Variants in FBXO4 observed in about 807,000 individuals in gnomAD.
FBXO4 encodes F-box protein 4, also known as F-box only protein 4.
FBXO4 carries 36 observed loss-of-function variants against 43.7 expected under a neutral mutation model. The observed-to-expected ratio is 0.82, with a 90% confidence interval of 0.63 to 1.09. The LOEUF is 1.09. Among genes scored for constraint, FBXO4 ranks in the 50% least tolerant of loss-of-function variants. The pLI is 0.00. For missense variants in FBXO4, 435 were observed against 474.1 expected (o/e 0.92, Z 0.77); for synonymous variants, 180 against 165.6 (o/e 1.09, Z -0.67).
intron 3 of FBXO4, among the ~76,000 whole-genome samples, chr5:41,931,491 A>G (rs1751686566): frequency 6.6e-6 from 1 of 152,242 alleles, no homozygotes; most frequent in Non-Finnish European, 1.5e-5. Flanking sequence ...TGACTTTGAT[A>G]ACTCCATGGA....
chr5:42,005,166 C>T, the FBXO4 span, among the ~76,000 whole-genome samples: 3 of 152,046 alleles, frequency 2.0e-5, no homozygotes, highest in East Asian at 3.9e-4. Context: ...AAGATACAGC[C>T]GGAGAACCTG....
chr5:41,982,713 A>G, the FBXO4 span, among the ~76,000 whole-genome samples: 1 of 152,058 alleles, frequency 6.6e-6, no homozygotes, highest in Non-Finnish European at 1.5e-5. Context: ...TTTTGCAATT[A>G]TGTATTTTAT....
the FBXO4 span, among the ~76,000 whole-genome samples, chr5:41,999,303 T>C: frequency 1.4e-4 from 21 of 149,900 alleles, no homozygotes; most frequent in Admixed American, 1.4e-3. Context: ...AAGAACTCCA[T>C]CCTTAGTATT....
chr5:41,999,524 CATATATAT>C, the FBXO4 span, among the ~76,000 whole-genome samples: 1,270 of 87,820 alleles, frequency 0.014, 42 homozygotes, highest in African/African-American at 0.051. Context: ...TATATATATA[CATATATAT>C]ATACATATAT....
the FBXO4 span, chr5:41,967,754 T>A: frequency 1.6e-6 from 1 of 615,092 alleles, no homozygotes; most frequent in South Asian, 1.4e-5. Flanking sequence ...AAAACAGAAT[T>A]GCAGATCTTT....
chr5:42,030,011 C>T, the FBXO4 span, among the ~76,000 whole-genome samples: 116 of 152,052 alleles, frequency 7.6e-4, no homozygotes, highest in African/African-American at 2.7e-3. Context: ...GAATCAATAT[C>T]GTGAAAATGG....
At chr5:41,951,190 A>G in the FBXO4 span, 1 of 157,016 alleles carries the variant, frequency 6.4e-6, no homozygotes, top group African/African-American at 2.4e-5. Flanking sequence ...CTGCACGTGT[A>G]CCCCAGAACT....
chr5:41,999,527 A>ATATATG, the FBXO4 span, among the ~76,000 whole-genome samples: 1 of 113,164 alleles, frequency 8.8e-6, no homozygotes, highest in Non-Finnish European at 1.7e-5. Context: ...ATATATACAT[A>ATATATG]TATATATACA....
chr5:41,974,047 C>A, the FBXO4 span, among the ~76,000 whole-genome samples: 1 of 152,188 alleles, frequency 6.6e-6, no homozygotes, highest in Non-Finnish European at 1.5e-5. Flanking sequence ...TAAAGCTAGA[C>A]TAGTGTCTTC....
the FBXO4 span, among the ~76,000 whole-genome samples, chr5:42,001,834 C>A: frequency 2.6e-5 from 4 of 151,754 alleles, no homozygotes; most frequent in African/African-American, 9.7e-5. Flanking sequence ...GGGACTACAG[C>A]GCCACCTTGG....
At chr5:42,030,918 A>C in the FBXO4 span, among the ~76,000 whole-genome samples, 2 of 152,230 alleles carry the variant, frequency 1.3e-5, no homozygotes, top group South Asian at 4.1e-4. Context: ...ATACCATCTC[A>C]CACCAGTTAG....
At chr5:41,926,599 CTTTGA>C (rs1751510165) in intron 1 of FBXO4, among the ~76,000 whole-genome samples, 1 of 152,124 alleles carries the variant, frequency 6.6e-6, no homozygotes, top group Non-Finnish European at 1.5e-5. Flanking sequence ...AATGTACACT[CTTTGA>C]TTTGGTCTGA....
At chr5:41,975,375 C>A in the FBXO4 span, among the ~76,000 whole-genome samples, 1 of 152,200 alleles carries the variant, frequency 6.6e-6, no homozygotes, top group Admixed American at 6.5e-5. Flanking sequence ...AGAATGAGAT[C>A]TCTCTAATCT....
At chr5:42,031,095 A>G in the FBXO4 span, among the ~76,000 whole-genome samples, 1 of 152,334 alleles carries the variant, frequency 6.6e-6, no homozygotes, top group South Asian at 2.1e-4. Context: ...TGACCCAGCC[A>G]TCCCATTACT....
the FBXO4 span, among the ~76,000 whole-genome samples, chr5:42,006,767 T>C: frequency 1.3e-5 from 2 of 151,196 alleles, no homozygotes; most frequent in South Asian, 2.1e-4. Flanking sequence ...TTAATTGTGA[T>C]TCTCCTTCAC....
At chr5:41,969,908 C>A in the FBXO4 span, among the ~76,000 whole-genome samples, 1 of 151,950 alleles carries the variant, frequency 6.6e-6, no homozygotes, top group Non-Finnish European at 1.5e-5. Flanking sequence ...ATCTTGAGTT[C>A]TATTTTAAAT....
At chr5:41,975,349 C>T in the FBXO4 span, among the ~76,000 whole-genome samples, 1 of 152,110 alleles carries the variant, frequency 6.6e-6, no homozygotes, top group Non-Finnish European at 1.5e-5. Context: ...TAAGAATTTG[C>T]CCAGCATATG....
At chr5:42,032,741 T>C in the FBXO4 span, among the ~76,000 whole-genome samples, 1 of 152,120 alleles carries the variant, frequency 6.6e-6, no homozygotes, top group Non-Finnish European at 1.5e-5. Flanking sequence ...GCTGTGCTAG[T>C]ACCTAAGGTG....
At chr5:41,971,142 A>G in the FBXO4 span, among the ~76,000 whole-genome samples, 1 of 151,954 alleles carries the variant, frequency 6.6e-6, no homozygotes, top group African/African-American at 2.4e-5. Flanking sequence ...TACTAAAAAA[A>G]CAAAACCAGA....
Sources: allele counts gnomAD v4.1 joint callset (sites outside exome capture counted in the v4.1 genomes callset), GRCh38; gene constraint gnomAD v4.1.1; transcripts MANE v1.5; gene names NCBI Gene and HGNC (gene_info 2026-07-23, HGNC 2026-07-21).